CYP2E1: variants seen among roughly 807,000 people sequenced by gnomAD.
CYP2E1 encodes the protein cytochrome P450 2E1.
Under a neutral mutation model 42.9 loss-of-function variants are expected in CYP2E1, and 31 were observed. That is an observed-to-expected ratio of 0.72 (90% confidence interval 0.54 to 0.98). CYP2E1 has a LOEUF of 0.98. Ranked by LOEUF, CYP2E1 falls within the 50% of genes least tolerant of loss-of-function variation. CYP2E1 has a pLI of 0.00. For missense variants in CYP2E1, 565 were observed against 633.2 expected, an observed-to-expected ratio of 0.89 and a Z score of 1.16; for synonymous variants, 244 against 248.9, an observed-to-expected ratio of 0.98 and a Z score of 0.19.
intron 2 of CYP2E1, among the ~76,000 whole-genome samples, chr10:133,531,342 T>C (rs1251615643): frequency 7.9e-5 from 12 of 152,122 alleles, no homozygotes; most frequent in Admixed American, 7.9e-4. Context: ...AGAGGCTACA[T>C]GTGATGAAGA....
At chr10:133,536,087 C>G (rs896715552) in intron 6 of CYP2E1, among the ~76,000 whole-genome samples, 1 of 152,168 alleles carries the variant, frequency 6.6e-6, no homozygotes, top group Non-Finnish European at 1.5e-5. Flanking sequence ...TGTAAACCCC[C>G]TTCATACTCA....
chr10:133,532,658 A>G (rs778405703), intron 4 of CYP2E1, 34 bp from the exon 5 acceptor site: 1 of 1,529,814 alleles, frequency 6.5e-7, no homozygotes, highest in Admixed American at 2.1e-5. Flanking sequence ...TTGCATCCAG[A>G]AAAAAGTAGT....
intron 5 of CYP2E1, 23 bp downstream of exon 5, chr10:133,532,891 G>A: frequency 6.3e-7 from 1 of 1,583,568 alleles, no homozygotes; most frequent in Non-Finnish European, 8.6e-7. Flanking sequence ...CTCCCATGAT[G>A]TGGGCTCTCC....
intron 8 of CYP2E1, 127 bp downstream of exon 8, chr10:133,538,019 T>G: frequency 6.8e-6 from 6 of 876,972 alleles, no homozygotes; most frequent in Non-Finnish European, 1.0e-5. Context: ...GTGCCCTGTT[T>G]CTATTGACAA....
Position 133,532,972 on chromosome 10 carries a change from C to A in CYP2E1, c.825+104C>A. On this transcript the variant is annotated intron_variant, in intron 5 of 8. Coordinates refer to ENST00000252945, the MANE Select transcript of CYP2E1 (RefSeq NM_000773.4). ...CACTTGCTGGTGTCCAGACCTCCCA[C>A]CGCAGCATGCTCTGAGTTTCATACA... 3 of 1,048,718 alleles carry A rather than the reference C, an allele frequency of 2.9e-6. 1 individual carries two copies. Among genetic ancestry groups the A allele is most frequent in the Non-Finnish European group, 4.0e-6 (3 of 746,574 alleles). 65.0% of individuals were successfully genotyped at this position (1,048,718 alleles called of 1,614,324 possible). A position where few individuals can be genotyped will look rare whatever the true frequency, so the allele number is the denominator to read the frequency against.
intron 8 of CYP2E1, 112 bp downstream of exon 8, chr10:133,538,004 A>T (rs1851426276): frequency 9.9e-7 from 1 of 1,009,466 alleles, no homozygotes; most frequent in African/African-American, 1.6e-5. Flanking sequence ...CCCAAACCTC[A>T]CTGTGTGCCC....
chr10:133,530,476 C>T (rs1413125963), intron 2 of CYP2E1, among the ~76,000 whole-genome samples: 2 of 152,138 alleles, frequency 1.3e-5, no homozygotes, highest in African/African-American at 4.8e-5. Context: ...TGCACCCCTG[C>T]CCCACCCACC....
chr10:133,527,560 G>T lies in CYP2E1; in HGVS notation c.165G>T (p.Lys55Asn). The T allele has an allele frequency of 6.2e-7, 1 of 1,611,182 alleles. No homozygotes were observed. The stretch of plus-strand genomic sequence containing the variant: ...AGTTGGAATTGAAGAATATTCCCAA[G>T]TCCTTCACCCGGGTAAGAGAAATAG... ...LFQLELKNIP[K>N]SFTRLAQRFG... The change falls in exon 1 of 9, where the codon AAG becomes AAT. Residue 55 changes from lysine (K) to asparagine (N), a missense_variant. Transcript: ENST00000252945.
At chr10:133,534,748 G>A (rs1450331460) in intron 6 of CYP2E1, among the ~76,000 whole-genome samples, 1 of 152,198 alleles carries the variant, frequency 6.6e-6, no homozygotes, top group Admixed American at 6.5e-5. Context: ...GTCAGTTCCT[G>A]AAAGCAGGTA....
intron 6 of CYP2E1, among the ~76,000 whole-genome samples, chr10:133,536,819 G>A (rs1356171735): frequency 7.1e-6 from 1 of 141,120 alleles, no homozygotes; most frequent in Admixed American, 7.0e-5. Flanking sequence ...GTGGTTGGAT[G>A]GATGGGTGGG....
intron 7 of CYP2E1, 124 bp from the exon 8 acceptor site, chr10:133,537,627 T>A: frequency 1.2e-6 from 1 of 851,982 alleles, no homozygotes; most frequent in East Asian, 2.5e-5. Context: ...AGCAACTCCT[T>A]CAACTGGAAA....
Position 133,532,823 on chromosome 10 carries a change from C to T in CYP2E1, c.780C>T (p.Asn260=). Residue 260 remains asparagine, a synonymous_variant, in exon 5 of 9, where the codon AAC becomes AAT. Transcript: ENST00000252945. The stretch of plus-strand genomic sequence containing the variant: ...AGCACCATCAATCTCTGGACCCCAA[C>T]TGTCCCCGGGACCTCACCGACTGCC... The part of the protein sequence containing the change: ...VKEHHQSLDP[N]CPRDLTDCLL... 1 of 1,613,142 alleles carries T rather than the reference C, an allele frequency of 6.2e-7. No homozygotes were observed. The highest frequency in any genetic ancestry group is 8.5e-7 in the Non-Finnish European group (1 of 1,179,790).
chr10:133,532,315 C>A, intron 4 of CYP2E1, 31 bp downstream of exon 4: 1 of 1,600,202 alleles, frequency 6.2e-7, no homozygotes, highest in Non-Finnish European at 8.6e-7. Flanking sequence ...CATCAGTCAT[C>A]AACTGTAGAG....
intron 6 of CYP2E1, 40 bp downstream of exon 6, chr10:133,533,937 A>G (rs992911817): frequency 1.2e-6 from 2 of 1,608,526 alleles, no homozygotes; most frequent in African/African-American, 2.7e-5. Context: ...GTGCGGCTGC[A>G]TCTCCCTGGA....
rs1054752238 is a variant in CYP2E1, at chr10:133,535,675, A to G, written c.968-1388A>G. ...AGGAAAATAAATATGATTGACATGTATATATCCATTGCCAAATTGAACGTT... is the reference window on the plus strand; with the variant it reads ...AGGAAAATAAATATGATTGACATGTGTATATCCATTGCCAAATTGAACGTT... On this transcript the variant is annotated intron_variant, in intron 6 of 8. Coordinates refer to ENST00000252945, the MANE Select transcript of CYP2E1 (RefSeq NM_000773.4). Among the ~76,000 whole-genome samples, 4 of 152,320 alleles carry G rather than the reference A, an allele frequency of 2.6e-5. No homozygotes were observed. In the South Asian group the frequency reaches 8.3e-4, roughly 32 times the overall value.
chr10:133,536,808 G>T (rs1002291352), intron 6 of CYP2E1, among the ~76,000 whole-genome samples: 1 of 139,788 alleles, frequency 7.2e-6, no homozygotes, highest in Non-Finnish European at 1.6e-5. Flanking sequence ...TGGATGGATG[G>T]GTGGTTGGAT....
At chr10:133,528,763 C>T (rs1303579860) in intron 2 of CYP2E1, 123 bp downstream of exon 2, 5 of 1,237,068 alleles carry the variant, frequency 4.0e-6, no homozygotes, top group Admixed American at 4.5e-5. Context: ...TAACAGCATC[C>T]GAAGGATGAG....
intron 6 of CYP2E1, among the ~76,000 whole-genome samples, chr10:133,534,557 A>G (rs1331286353): frequency 6.6e-6 from 1 of 152,144 alleles, no homozygotes; most frequent in African/African-American, 2.4e-5. Flanking sequence ...GGGTCCAAGT[A>G]AAGGGGAGGA....
intron 6 of CYP2E1, among the ~76,000 whole-genome samples, chr10:133,536,202 G>T (rs1418132343): frequency 6.6e-6 from 1 of 152,154 alleles, no homozygotes; most frequent in South Asian, 2.1e-4. Context: ...GACATGAAGA[G>T]AACTGAATAA....
Sources: gnomAD v4.1 joint callset for allele counts (sites outside exome capture counted in the v4.1 genomes callset) on GRCh38, gnomAD v4.1.1 for gene constraint, MANE v1.5 for transcripts, NCBI Gene and HGNC (gene_info 2026-07-23, HGNC 2026-07-21) for gene names.